ERBB4: variants seen among roughly 807,000 people sequenced by gnomAD.
ERBB4 encodes the protein receptor tyrosine-protein kinase erbB-4.
In ERBB4, 42 loss-of-function variants were observed where a neutral mutation model predicts 158.0. That is an observed-to-expected ratio of 0.27 (90% CI 0.21 to 0.34). The LOEUF (loss-of-function observed/expected upper bound fraction) is 0.34, where lower values mean the gene tolerates loss of function less well. ERBB4 is among the 10% of genes least tolerant of loss of function. ERBB4 has a pLI of 1.00. For synonymous variants in ERBB4, 583 were observed against 558.7 expected (o/e 1.04, Z -0.61); for missense variants, 1,333 against 1,624.1 (o/e 0.82, Z 3.08).
chr2:211,800,797 A>G (rs73069381), intron 3 of ERBB4, among the ~76,000 whole-genome samples: 8,135 of 152,222 alleles, frequency 0.053, 720 homozygotes, highest in African/African-American at 0.19. Flanking sequence ...AAAAACTTCA[A>G]GAATTCAGCC....
chr2:212,089,038 G>T (rs1411148491), intron 2 of ERBB4, among the ~76,000 whole-genome samples: 1 of 151,966 alleles, frequency 6.6e-6, no homozygotes, highest in East Asian at 1.9e-4. Flanking sequence ...AATAAAACTG[G>T]GGTTTCCATT....
chr2:212,276,017 C>T (rs1356895965), intron 1 of ERBB4, among the ~76,000 whole-genome samples: 1 of 151,668 alleles, frequency 6.6e-6, no homozygotes, highest in Non-Finnish European at 1.5e-5. Flanking sequence ...TTCAAAAATA[C>T]CCTCAGATAA....
At chr2:212,223,395 T>G (rs1186113205) in intron 1 of ERBB4, among the ~76,000 whole-genome samples, 1 of 144,902 alleles carries the variant, frequency 6.9e-6, no homozygotes, top group Non-Finnish European at 1.5e-5. Flanking sequence ...TATTTATATC[T>G]TCATATATAT....
At chr2:212,138,536 C>A (rs2080345440) in intron 1 of ERBB4, among the ~76,000 whole-genome samples, 1 of 152,142 alleles carries the variant, frequency 6.6e-6, no homozygotes, top group Non-Finnish European at 1.5e-5. Context: ...AGCAGACCCT[C>A]ACCAGATGCA....
intron 2 of ERBB4, among the ~76,000 whole-genome samples, chr2:212,111,215 G>C (rs16847732): frequency 6.6e-6 from 1 of 152,214 alleles, no homozygotes; most frequent in South Asian, 2.1e-4. Context: ...TATGCAGTTA[G>C]TTGTTAAGTC....
chr2:211,667,920 G>T (rs2071690340), intron 14 of ERBB4, among the ~76,000 whole-genome samples: 1 of 152,068 alleles, frequency 6.6e-6, no homozygotes, highest in Non-Finnish European at 1.5e-5. Context: ...ATAGTCATGT[G>T]ACACTTAATG....
At chr2:211,734,023 TGCA>T (rs981909336) in intron 5 of ERBB4, among the ~76,000 whole-genome samples, 14 of 152,092 alleles carry the variant, frequency 9.2e-5, no homozygotes, top group African/African-American at 3.4e-4. Flanking sequence ...GCCTGGGCCA[TGCA>T]GCAGAAAATA....
chr2:212,056,295 C>T (rs1387490200), intron 2 of ERBB4, among the ~76,000 whole-genome samples: 1 of 152,158 alleles, frequency 6.6e-6, no homozygotes, highest in Non-Finnish European at 1.5e-5. Flanking sequence ...ACCAAATCTA[C>T]ATCTGATTGG....
chr2:212,050,276 T>G (rs957803281), intron 2 of ERBB4, among the ~76,000 whole-genome samples: 2 of 152,194 alleles, frequency 1.3e-5, no homozygotes, highest in Non-Finnish European at 2.9e-5. Flanking sequence ...AGGGGATCTA[T>G]GGAGATTTCT....
intron 1 of ERBB4, among the ~76,000 whole-genome samples, chr2:212,476,848 C>A (rs771590951): frequency 4.1e-4 from 62 of 152,224 alleles, no homozygotes; most frequent in Non-Finnish European, 7.5e-4. Context: ...CATACAATAA[C>A]TCTTGCATCA....
At chr2:212,361,794 G>A (rs1245180617) in intron 1 of ERBB4, among the ~76,000 whole-genome samples, 1 of 151,484 alleles carries the variant, frequency 6.6e-6, no homozygotes, top group African/African-American at 2.4e-5. Context: ...ACTTCTATTC[G>A]ACAATGTCTG....
chr2:212,241,561 G>A (rs995534089), intron 1 of ERBB4, among the ~76,000 whole-genome samples: 1 of 152,132 alleles, frequency 6.6e-6, no homozygotes, highest in Admixed American at 6.5e-5. Flanking sequence ...TCTATCCACA[G>A]AAAGATGTAA....
In ERBB4 at chr2:212,358,893, G is replaced by A. The variant is rs1252344360; in HGVS notation, c.82+179556C>T. 5.9e-5 allele frequency among the ~76,000 whole-genome samples: 9 copies of A among 151,558 alleles called. No homozygotes were observed. The Admixed American group carries it at 5.9e-4, about 10-fold the overall frequency. ...AAGATATATACAATATATGAAAAAA[G>A]ATGAATACATTCACTGAATATATAT... On this transcript the variant is annotated intron_variant, in intron 1 of 27. Transcript: ENST00000342788.
intron 4 of ERBB4, among the ~76,000 whole-genome samples, chr2:211,785,775 A>C (rs1284063895): frequency 6.6e-6 from 1 of 152,146 alleles, no homozygotes; most frequent in Non-Finnish European, 1.5e-5. Context: ...GAATAAGCAT[A>C]TTACTATATT....
intron 15 of ERBB4, among the ~76,000 whole-genome samples, chr2:211,664,364 C>T (rs991325541): frequency 1.6e-4 from 23 of 146,840 alleles, no homozygotes; most frequent in African/African-American, 6.0e-4. Context: ...TGTCTGTATG[C>T]GTCTGTGTGT....
Position 211,970,102 on chromosome 2 carries a change from T to C in ERBB4, c.235-22486A>G, listed in dbSNP as rs1073493. Reference sequence around the variant, plus strand: ...ATTGTGGGACATGGTATCTTTGTTCTCATTAGTTTCAAAAACTTCTTGAAT... The same window carrying C: ...ATTGTGGGACATGGTATCTTTGTTCCCATTAGTTTCAAAAACTTCTTGAAT... On this transcript the variant is annotated intron_variant, in intron 2 of 27. Coordinates refer to ENST00000342788, the MANE Select transcript of ERBB4 (RefSeq NM_005235.3). 3.9e-3 allele frequency among the ~76,000 whole-genome samples: 588 copies of C among 152,276 alleles called. 10 individuals carry two copies. The highest frequency in any genetic ancestry group is 0.037 in the Admixed American group (558 of 15,280).
chr2:212,430,516 C>CCATTTTAGACAATAATTGTAAA (rs2092005001), intron 1 of ERBB4, among the ~76,000 whole-genome samples: 1 of 151,672 alleles, frequency 6.6e-6, no homozygotes, highest in South Asian at 2.1e-4. Flanking sequence ...TCTTGGCTCA[C>CCATTTTAGACAATAATTGTAAA]TGCAGCCTCC....
At chr2:211,460,421 C>G (rs1273098972) in intron 20 of ERBB4, among the ~76,000 whole-genome samples, 2 of 152,224 alleles carry the variant, frequency 1.3e-5, no homozygotes, top group South Asian at 2.1e-4. Context: ...CCTTAACCAG[C>G]CTCTGCATTA....
chr2:211,810,976 G>T (rs889933293), intron 3 of ERBB4, among the ~76,000 whole-genome samples: 9 of 152,150 alleles, frequency 5.9e-5, no homozygotes, highest in Non-Finnish European at 1.2e-4. Context: ...GCCTGGCCCA[G>T]TCTCTGTCTT....
Sources: allele counts gnomAD v4.1 joint callset (sites outside exome capture counted in the v4.1 genomes callset), GRCh38; gene constraint gnomAD v4.1.1; transcripts MANE v1.5; gene names NCBI Gene and HGNC (gene_info 2026-07-23, HGNC 2026-07-21).